Variants in ZBTB7C observed in about 807,000 individuals in gnomAD.
ZBTB7C encodes zinc finger and BTB domain containing 7C, also known as zinc finger and BTB domain-containing protein 7C.
In ZBTB7C, 8 loss-of-function variants were observed where a neutral mutation model predicts 25.7. The observed-to-expected ratio is 0.31, with a 90% confidence interval of 0.18 to 0.56. ZBTB7C has a LOEUF of 0.56. Among genes scored for constraint, ZBTB7C ranks in the 20% least tolerant of loss-of-function variants. The pLI is 0.91. For missense variants in ZBTB7C, 824 were observed against 855.2 expected (o/e 0.96, Z 0.46); for synonymous variants, 394 against 369.0 (o/e 1.07, Z -0.78).
At chr18:48,189,275 A>T (rs2145148535) in intron 2 of ZBTB7C, among the ~76,000 whole-genome samples, 2 of 152,332 alleles carry the variant, frequency 1.3e-5, no homozygotes, top group South Asian at 4.1e-4. Context: ...GCATTTACAG[A>T]TTTTATTAAT....
At chr18:48,253,603 G>A (rs191096271) in intron 2 of ZBTB7C, among the ~76,000 whole-genome samples, 42 of 152,268 alleles carry the variant, frequency 2.8e-4, no homozygotes, top group Admixed American at 9.8e-4. Flanking sequence ...GGAGATCAAG[G>A]CAGTTAAAGT....
intron 1 of ZBTB7C, among the ~76,000 whole-genome samples, chr18:48,363,571 T>C (rs1354588108): frequency 6.6e-6 from 1 of 152,056 alleles, no homozygotes; most frequent in Non-Finnish European, 1.5e-5. Flanking sequence ...GAGATGAATT[T>C]TGAAGCCCAG....
Position 48,195,614 on chromosome 18 carries a change from A to G in ZBTB7C, c.-78-9619T>C, listed in dbSNP as rs141173825. ...TTTATTAGCAGTGTGAGAACAGACT[A>G]ATACATATGGCACTGCCTACAATTT... On this transcript the variant is annotated intron_variant, in intron 2 of 4. Transcript: ENST00000590800. Among the ~76,000 whole-genome samples the G allele has an allele frequency of 4.0e-3, 614 of 152,334 alleles. 5 individuals carry two copies. Among genetic ancestry groups the G allele is most frequent in the African/African-American group, 0.014 (585 of 41,566 alleles).
chr18:48,080,781 C>T (rs1366573051), intron 3 of ZBTB7C, among the ~76,000 whole-genome samples: 1 of 152,176 alleles, frequency 6.6e-6, no homozygotes, highest in African/African-American at 2.4e-5. Context: ...CAAGGCCAGG[C>T]AACCCCAGAG....
chr18:48,074,170 C>G (rs576146773), intron 3 of ZBTB7C, among the ~76,000 whole-genome samples: 1 of 152,078 alleles, frequency 6.6e-6, no homozygotes, highest in Non-Finnish European at 1.5e-5. Context: ...CATGCCACCA[C>G]GCCTAGCTAA....
intron 2 of ZBTB7C, among the ~76,000 whole-genome samples, chr18:48,316,732 C>T (rs1221415980): frequency 6.6e-6 from 1 of 152,208 alleles, no homozygotes; most frequent in Non-Finnish European, 1.5e-5. Context: ...TGGTGCCATG[C>T]TTGCACAGCC....
chr18:48,127,936 C>T (rs766757699), intron 3 of ZBTB7C, among the ~76,000 whole-genome samples: 24 of 152,206 alleles, frequency 1.6e-4, no homozygotes, highest in Non-Finnish European at 2.8e-4. Context: ...CCACAAGGGC[C>T]GGCCAGAGGC....
chr18:48,262,919 G>A (rs766763602), intron 2 of ZBTB7C, among the ~76,000 whole-genome samples: 26 of 152,160 alleles, frequency 1.7e-4, no homozygotes, highest in Non-Finnish European at 3.7e-4. Flanking sequence ...GGGCCTCACT[G>A]CAGAGCTGTC....
At chr18:48,292,163 A>C (rs961993354) in intron 2 of ZBTB7C, among the ~76,000 whole-genome samples, 1 of 151,554 alleles carries the variant, frequency 6.6e-6, no homozygotes, top group Non-Finnish European at 1.5e-5. Context: ...GCGCCACTGC[A>C]CTCCAGCCTG....
At chr18:48,135,653 C>A (rs2040129067) in intron 3 of ZBTB7C, among the ~76,000 whole-genome samples, 1 of 152,040 alleles carries the variant, frequency 6.6e-6, no homozygotes, top group Non-Finnish European at 1.5e-5. Context: ...CTTTCTAAGC[C>A]CAGAGAGGAT....
chr18:48,275,846 A>G (rs2044632363), intron 2 of ZBTB7C, among the ~76,000 whole-genome samples: 1 of 152,188 alleles, frequency 6.6e-6, no homozygotes. Context: ...TTAAATTCCA[A>G]TCATCTGCTA....
intron 2 of ZBTB7C, among the ~76,000 whole-genome samples, chr18:48,225,085 G>C (rs2043055227): frequency 6.6e-6 from 1 of 152,194 alleles, no homozygotes; most frequent in Non-Finnish European, 1.5e-5. Context: ...CTTGGCATCT[G>C]CTGTATGGAC....
intron 3 of ZBTB7C, among the ~76,000 whole-genome samples, chr18:48,047,896 G>C (rs2036535631): frequency 6.6e-6 from 1 of 152,192 alleles, no homozygotes; most frequent in African/African-American, 2.4e-5. Flanking sequence ...TAATAAAACA[G>C]GTATGGAGAG....
rs192131492 is a variant in ZBTB7C, at chr18:48,249,198, T to C, written c.-78-63203A>G. ...ATTAAATAATATTTTTGCAAAGCAA[T>C]TCAGCAATATAGAGAAAGAGCCATA... On this transcript the variant is annotated intron_variant, in intron 2 of 4. Transcript: ENST00000590800. 1.5e-4 allele frequency among the ~76,000 whole-genome samples: 23 copies of C among 152,378 alleles called. No homozygotes were observed. In the East Asian group the frequency reaches 4.4e-3, roughly 29 times the overall value.
intron 3 of ZBTB7C, among the ~76,000 whole-genome samples, chr18:48,074,667 C>G (rs933356310): frequency 3.9e-5 from 6 of 152,220 alleles, no homozygotes; most frequent in Non-Finnish European, 8.8e-5. Context: ...ACAGAGTAAT[C>G]TGGTGTTTCC....
At chr18:48,347,128 T>G (rs148262759) in intron 1 of ZBTB7C, among the ~76,000 whole-genome samples, 17,041 of 130,706 alleles carry the variant, frequency 0.13, 1,044 homozygotes, top group Non-Finnish European at 0.17. Flanking sequence ...TTGTTTGTTT[T>G]TTTTTTTTTT....
chr18:48,028,471 A>T lies in ZBTB7C; in HGVS notation c.*789T>A, dbSNP rs1017001919. 1 of 152,230 alleles carries T rather than the reference A, an allele frequency of 6.6e-6. No homozygotes were observed. Among genetic ancestry groups the T allele is most frequent in the African/African-American group, 2.4e-5 (1 of 41,458 alleles). The allele number at this position is 152,230 out of a possible 1,614,324, so 9.4% of individuals were successfully genotyped here. On this transcript the variant is annotated 3_prime_UTR_variant, in exon 5 of 5. Coordinates refer to ENST00000590800, the MANE Select transcript of ZBTB7C (RefSeq NM_001318841.2). The stretch of plus-strand genomic sequence containing the variant: ...ATGCTAATATAGAGCTGGATGTGAT[A>T]AAACTAAGTCCAGAAAGATAAACTG...
rs779356155 is a variant in ZBTB7C, at chr18:48,040,154, C to T, written c.954G>A (p.Pro318=). The part of the protein sequence containing the change: ...DFFKDMFPDL[P]GGPLGPIKAE... ...CCTTGATGGGTCCCAGAGGCCCCCCCGGCAGGTCAGGGAACATGTCCTTGA... is the reference window on the plus strand; with the variant it reads ...CCTTGATGGGTCCCAGAGGCCCCCCTGGCAGGTCAGGGAACATGTCCTTGA... Residue 318 remains proline, a synonymous_variant, in exon 4 of 5, where the codon CCG becomes CCA. Coordinates refer to ENST00000590800, the MANE Select transcript of ZBTB7C (RefSeq NM_001318841.2). 172 of 1,578,474 alleles carry T rather than the reference C, an allele frequency of 1.1e-4. No homozygotes were observed. Among genetic ancestry groups the T allele is most frequent in the Middle Eastern group, 8.5e-4 (5 of 5,858 alleles).
chr18:48,034,548 C>T (rs917633705), intron 4 of ZBTB7C, among the ~76,000 whole-genome samples: 3 of 152,116 alleles, frequency 2.0e-5, no homozygotes, highest in African/African-American at 4.8e-5. Context: ...CCTCCCTGCA[C>T]GTGGCATGGA....
Sources: gnomAD v4.1 joint callset for allele counts (sites outside exome capture counted in the v4.1 genomes callset) on GRCh38, gnomAD v4.1.1 for gene constraint, MANE v1.5 for transcripts, NCBI Gene and HGNC (gene_info 2026-07-23, HGNC 2026-07-21) for gene names.